TENM3: variants seen among roughly 807,000 people sequenced by gnomAD.
TENM3 encodes the protein teneurin transmembrane protein 3, also known as teneurin-3.
In TENM3, 63 loss-of-function variants were observed where a neutral mutation model predicts 255.1. The observed-to-expected ratio is 0.25, with a 90% CI of 0.20 to 0.30. The LOEUF (loss-of-function observed/expected upper bound fraction) is 0.30, where lower values mean the gene tolerates loss of function less well. Among genes scored for constraint, TENM3 ranks in the 10% least tolerant of loss-of-function variants. The pLI, the probability that TENM3 is intolerant of heterozygous loss-of-function variation, is 1.00. For synonymous variants in TENM3, 1,306 were observed against 1,322.3 expected, an observed-to-expected ratio of 0.99 and a Z score of 0.27; for missense variants, 2,929 against 3,461.1, an observed-to-expected ratio of 0.85 and a Z score of 3.86.
At chr4:181,643,161 G>A in the TENM3 span, among the ~76,000 whole-genome samples, 100 of 152,152 alleles carry the variant, frequency 6.6e-4, no homozygotes, top group African/African-American at 1.0e-3. Flanking sequence ...ATGTTTTTCC[G>A]TTTATTTGTG....
intron 3 of TENM3, among the ~76,000 whole-genome samples, chr4:182,490,873 G>A (rs1735235769): frequency 6.6e-6 from 1 of 152,172 alleles, no homozygotes; most frequent in African/African-American, 2.4e-5. Flanking sequence ...CTGCAGTTGT[G>A]TTTCATGCCT....
At chr4:182,095,991 C>T in the TENM3 span, among the ~76,000 whole-genome samples, 2 of 151,800 alleles carry the variant, frequency 1.3e-5, no homozygotes. Flanking sequence ...TATCCAGGCA[C>T]GGTGGCACAC....
intron 1 of TENM3, among the ~76,000 whole-genome samples, chr4:182,261,067 G>A (rs1224917021): frequency 1.3e-5 from 2 of 151,152 alleles, no homozygotes; most frequent in African/African-American, 4.8e-5. Context: ...ATAGAGACGG[G>A]GTTTCACCAT....
chr4:182,588,962 C>T (rs1342361513), intron 3 of TENM3, among the ~76,000 whole-genome samples: 2 of 152,084 alleles, frequency 1.3e-5, no homozygotes, highest in African/African-American at 4.8e-5. Context: ...GTTACTGCCA[C>T]TCAAGATAAG....
chr4:181,700,675 C>A, the TENM3 span, among the ~76,000 whole-genome samples: 1 of 152,122 alleles, frequency 6.6e-6, no homozygotes, highest in South Asian at 2.1e-4. Context: ...AAATGATGAG[C>A]CATCTTTGGT....
chr4:182,042,364 G>C, the TENM3 span, among the ~76,000 whole-genome samples: 1 of 152,200 alleles, frequency 6.6e-6, no homozygotes, highest in South Asian at 2.1e-4. Flanking sequence ...AATGGAAAGT[G>C]TCTTCTACCA....
the TENM3 span, among the ~76,000 whole-genome samples, chr4:181,737,950 T>C: frequency 6.6e-6 from 1 of 151,152 alleles, no homozygotes; most frequent in Non-Finnish European, 1.5e-5. Flanking sequence ...TACTACTCTA[T>C]GTATTGTGCA....
At chr4:182,226,751 A>G (rs896263206) in intron 1 of TENM3, among the ~76,000 whole-genome samples, 4 of 152,198 alleles carry the variant, frequency 2.6e-5, no homozygotes, top group African/African-American at 9.6e-5. Context: ...ATGCAATAGC[A>G]TAAGTTCACT....
In TENM3 at chr4:182,552,358, T is replaced by C. The variant is rs1032503735; in HGVS notation, c.512-48566T>C. On this transcript the variant is annotated intron_variant, in intron 3 of 27. Transcript: ENST00000511685. The stretch of plus-strand genomic sequence containing the variant: ...TGGAGTTCCAATGATTGTCAACCCA[T>C]TAATTCTTCATTTACTGAACATCTC... 1.5e-4 allele frequency among the ~76,000 whole-genome samples: 23 copies of C among 152,222 alleles called. 1 individual carries two copies. Among genetic ancestry groups the C allele is most frequent in the African/African-American group, 5.3e-4 (22 of 41,468 alleles).
intron 24 of TENM3, among the ~76,000 whole-genome samples, chr4:182,778,691 C>T (rs950402952): frequency 3.3e-5 from 5 of 152,104 alleles, no homozygotes; most frequent in African/African-American, 1.2e-4. Context: ...CTGCCTGCTC[C>T]CAACATCAAA....
chr4:182,043,237 T>C, the TENM3 span, among the ~76,000 whole-genome samples: 84 of 152,200 alleles, frequency 5.5e-4, no homozygotes, highest in Non-Finnish European at 9.6e-4. Context: ...CTAGCTATGT[T>C]ACGTGCCATC....
At chr4:181,642,458 G>T in the TENM3 span, among the ~76,000 whole-genome samples, 4 of 152,098 alleles carry the variant, frequency 2.6e-5, no homozygotes, top group East Asian at 7.7e-4. Context: ...TTGCTGTGCA[G>T]ATACTCTTTA....
chr4:181,846,488 T>C, the TENM3 span, among the ~76,000 whole-genome samples: 1 of 152,174 alleles, frequency 6.6e-6, no homozygotes, highest in African/African-American at 2.4e-5. Context: ...CGAGATTTAG[T>C]AAGAATTTTG....
intron 1 of TENM3, among the ~76,000 whole-genome samples, chr4:182,211,972 C>T (rs768096862): frequency 1.7e-4 from 26 of 152,180 alleles, no homozygotes; most frequent in Non-Finnish European, 3.1e-4. Flanking sequence ...GAGCCTGGCA[C>T]GTGTGACATA....
chr4:182,283,933 G>A (rs1241579788), intron 1 of TENM3, among the ~76,000 whole-genome samples: 1 of 152,120 alleles, frequency 6.6e-6, no homozygotes, highest in Non-Finnish European at 1.5e-5. Flanking sequence ...TCCAAATGCG[G>A]GTCTTTTGAT....
intron 1 of TENM3, among the ~76,000 whole-genome samples, chr4:182,177,612 A>AT (rs1176625165): frequency 7.8e-6 from 1 of 127,942 alleles, no homozygotes; most frequent in Admixed American, 8.0e-5. Flanking sequence ...ATATATATAT[A>AT]TATTTTTTTT....
chr4:181,474,904 C>T, the TENM3 span, among the ~76,000 whole-genome samples: 433 of 152,176 alleles, frequency 2.8e-3, 4 homozygotes, highest in South Asian at 0.034. Flanking sequence ...ACCTCATATT[C>T]CCCACCTACA....
At chr4:181,804,108 G>A in the TENM3 span, among the ~76,000 whole-genome samples, 1 of 134,604 alleles carries the variant, frequency 7.4e-6, no homozygotes, top group South Asian at 2.7e-4. Flanking sequence ...AGGAAGGAAG[G>A]AGAAGGAGGG....
the TENM3 span, among the ~76,000 whole-genome samples, chr4:181,634,059 C>A: frequency 6.6e-6 from 1 of 152,200 alleles, no homozygotes; most frequent in South Asian, 2.1e-4. Flanking sequence ...CTCAGTCTAA[C>A]ACATCGATGG....
Sources: allele counts gnomAD v4.1 joint callset (sites outside exome capture counted in the v4.1 genomes callset), GRCh38; gene constraint gnomAD v4.1.1; transcripts MANE v1.5; gene names NCBI Gene and HGNC (gene_info 2026-07-23, HGNC 2026-07-21).